Variants in KDM4C observed in about 807,000 individuals in gnomAD.
The protein encoded by KDM4C is lysine demethylase 4C.
In KDM4C, 81 loss-of-function variants were observed where a neutral mutation model predicts 129.3. That is an observed-to-expected ratio of 0.63 (90% CI 0.52 to 0.75). The LOEUF (loss-of-function observed/expected upper bound fraction) is 0.75. Ranked by LOEUF, KDM4C falls within the 30% of genes least tolerant of loss-of-function variation. KDM4C has a pLI of 0.00. For synonymous variants in KDM4C, 573 were observed against 456.1 expected (o/e 1.26, Z -3.26); for missense variants, 1,457 against 1,304.0 (o/e 1.12, Z -1.81).
chr9:7,140,106 G>C (rs1841591839), intron 19 of KDM4C, among the ~76,000 whole-genome samples: 1 of 152,136 alleles, frequency 6.6e-6, no homozygotes, highest in South Asian at 2.1e-4. Flanking sequence ...CTGCTCACCA[G>C]TTTCAGGTGT....
intron 15 of KDM4C, among the ~76,000 whole-genome samples, chr9:7,032,000 C>T (rs1173546365): frequency 6.6e-6 from 1 of 152,170 alleles, no homozygotes; most frequent in Non-Finnish European, 1.5e-5. Flanking sequence ...GTCTACTTTC[C>T]AACCTTAAGT....
At chr9:6,843,996 G>C (rs1326716691) in intron 4 of KDM4C, among the ~76,000 whole-genome samples, 2 of 151,952 alleles carry the variant, frequency 1.3e-5, no homozygotes, top group Non-Finnish European at 2.9e-5. Context: ...ACCATACCCG[G>C]CTATTTTTTA....
Position 7,011,632 on chromosome 9 carries a change from T to C in KDM4C, c.1787-66T>C, listed in dbSNP as rs77615250. On this transcript the variant is annotated intron_variant, in intron 12 of 21. Coordinates refer to ENST00000381309, the MANE Select transcript of KDM4C (RefSeq NM_015061.6). Reference sequence around the variant, plus strand: ...GATTCTGTGGAATGTTTATTTCTTTTGTACTCAGGGTGATTGTTTTCCCTG... The same window carrying C: ...GATTCTGTGGAATGTTTATTTCTTTCGTACTCAGGGTGATTGTTTTCCCTG... The C allele has an allele frequency of 2.2e-3, 3,008 of 1,387,132 alleles. 38 individuals carry two copies. The African/African-American group carries it at 0.03, about 14-fold the overall frequency. The allele number at this position is 1,387,132 out of a possible 1,614,324, so 85.9% of individuals were successfully genotyped here.
rs180891711 is a variant in KDM4C, at chr9:7,127,688, C to G, written c.2611-378C>G. ...GGCCATTATTGGATCATTTGACCAACTGGAGTATAGATGGAGATTAAAGTA... is the reference window on the plus strand; with the variant it reads ...GGCCATTATTGGATCATTTGACCAAGTGGAGTATAGATGGAGATTAAAGTA... On this transcript the variant is annotated intron_variant, in intron 18 of 21. Coordinates refer to ENST00000381309, the MANE Select transcript of KDM4C (RefSeq NM_015061.6). Among the ~76,000 whole-genome samples, 439 of 152,234 alleles carry G rather than the reference C, an allele frequency of 2.9e-3. 3 individuals are homozygous for G. Among genetic ancestry groups the G allele is most frequent in the Middle Eastern group, 0.01 (3 of 294 alleles).
At chr9:6,806,678 A>G (rs1393147623) in intron 3 of KDM4C, among the ~76,000 whole-genome samples, 2 of 152,112 alleles carry the variant, frequency 1.3e-5, no homozygotes, top group East Asian at 1.9e-4. Context: ...TTGTGGCTGG[A>G]AGATTCTCTT....
At chr9:6,755,570 A>G (rs1015177756), upstream of KDM4C, among the ~76,000 whole-genome samples, 29 of 152,306 alleles carry the variant, frequency 1.9e-4, no homozygotes, top group African/African-American at 6.7e-4. Context: ...AATAAATAAA[A>G]TAAAATAAAA....
chr9:7,030,391 T>C (rs1269965745), intron 15 of KDM4C, among the ~76,000 whole-genome samples: 6 of 152,200 alleles, frequency 3.9e-5, no homozygotes, highest in Non-Finnish European at 2.9e-5. Context: ...ATGGTAAATA[T>C]ATGTCATTAT....
At chr9:6,789,530 A>C (rs1826133080) in intron 1 of KDM4C, among the ~76,000 whole-genome samples, 1 of 150,974 alleles carries the variant, frequency 6.6e-6, no homozygotes, top group Admixed American at 6.6e-5. Flanking sequence ...ACGCCCAGCA[A>C]ATTTTTATAT....
chr9:6,964,174 TG>T (rs1830499228), intron 8 of KDM4C, among the ~76,000 whole-genome samples: 1 of 152,224 alleles, frequency 6.6e-6, no homozygotes, highest in Non-Finnish European at 1.5e-5. Flanking sequence ...TATGCCACGT[TG>T]GTGTGCTGCA....
chr9:7,165,586 G>A (rs2130427678), intron 20 of KDM4C, among the ~76,000 whole-genome samples: 1 of 152,380 alleles, frequency 6.6e-6, no homozygotes, highest in Admixed American at 6.5e-5. Context: ...TGGTTTAATT[G>A]TAAGGAATAT....
chr9:7,001,165 AGTATATCTTTATACCT>A (rs1261820168), intron 12 of KDM4C, among the ~76,000 whole-genome samples: 1 of 152,196 alleles, frequency 6.6e-6, no homozygotes, highest in Non-Finnish European at 1.5e-5. Context: ...TGGTGAGATG[AGTATATCTTTATACCT>A]GTCAAGTGAA....
intron 8 of KDM4C, among the ~76,000 whole-genome samples, chr9:6,930,712 T>G (rs1306130782): frequency 7.4e-6 from 1 of 135,326 alleles, no homozygotes; most frequent in African/African-American, 2.5e-5. Flanking sequence ...CATATGATTA[T>G]ACTATTATTA....
intron 5 of KDM4C, among the ~76,000 whole-genome samples, chr9:6,858,036 G>A (rs968267850): frequency 1.3e-5 from 2 of 148,646 alleles, no homozygotes; most frequent in Non-Finnish European, 3.0e-5. Flanking sequence ...GCTCATTGTA[G>A]CCTCAAACTC....
intron 1 of KDM4C, among the ~76,000 whole-genome samples, chr9:6,791,409 G>T (rs1209418107): frequency 6.6e-6 from 1 of 152,186 alleles, no homozygotes; most frequent in Non-Finnish European, 1.5e-5. Flanking sequence ...CCCAGCCCTT[G>T]TGTACATTTT....
Position 6,807,791 on chromosome 9 carries a change from G to T in KDM4C, c.320+2017G>T, listed in dbSNP as rs1365189429. 2.5e-4 allele frequency among the ~76,000 whole-genome samples: 19 copies of T among 77,424 alleles called. 1 individual carries two copies. The highest frequency in any genetic ancestry group is 4.5e-4 in the Admixed American group (3 of 6,642). The allele number at this position is 77,424 out of a possible 152,430, so 50.8% of individuals were successfully genotyped here. A position where few individuals can be genotyped will look rare whatever the true frequency, so the allele number is the denominator to read the frequency against. ...CAGCCACCCCGTCTGGGAGGGAGGT[G>T]GGGGGGGGGTCAGCCCCCCGCCCGG... On this transcript the variant is annotated intron_variant, in intron 3 of 21. Coordinates refer to ENST00000381309, the MANE Select transcript of KDM4C (RefSeq NM_015061.6).
Position 7,015,913 on chromosome 9 carries a change from G to C in KDM4C, c.2243G>C (p.Arg748Thr), listed in dbSNP as rs1823570418. The C allele has an allele frequency of 1.9e-6, 3 of 1,612,364 alleles. No individual in the cohort carries two copies. The African/African-American group carries it at 4.0e-5, about 21-fold the overall frequency. ...GGATGGCTGTGTGCCCGGTGCAAAA[G>C]AAATGCGTGGACAGCAGTAAGTAGC... ...CDGWLCARCK[R>T]NAWTAECCLC... is the part of the protein sequence containing the mutation. Residue 748 changes from arginine (R) to threonine (T), a missense_variant, in exon 15 of 22, where the codon AGA becomes ACA. Arg to Thr is a moderately conservative substitution (Grantham distance 71). Coordinates refer to ENST00000381309, the MANE Select transcript of KDM4C (RefSeq NM_015061.6).
At chr9:6,939,976 A>ACCTACCTTCCTTCCTTCCTTCCTT (rs1458974643) in intron 8 of KDM4C, among the ~76,000 whole-genome samples, 21 of 93,522 alleles carry the variant, frequency 2.2e-4, no homozygotes, top group Non-Finnish European at 2.7e-4. Flanking sequence ...CTACCTACCT[A>ACCTACCTTCCTTCCTTCCTTCCTT]CCTTCCTTCC....
intron 17 of KDM4C, among the ~76,000 whole-genome samples, chr9:7,052,894 A>AGAGAGAGAGAGAGAGAGCGC (rs1339242817): frequency 8.5e-5 from 9 of 105,466 alleles, no homozygotes; most frequent in Non-Finnish European, 1.6e-4. Flanking sequence ...AGAGAGAGAG[A>AGAGAGAGAGAGAGAGAGCGC]GAGAGAGCGA....
intron 17 of KDM4C, among the ~76,000 whole-genome samples, chr9:7,094,276 A>C (rs1285379686): frequency 2.0e-5 from 3 of 152,252 alleles, no homozygotes; most frequent in Non-Finnish European, 4.4e-5. Context: ...AGGCTTTAAC[A>C]GTGCCTGTTT....
Sources: gnomAD v4.1 joint callset for allele counts (sites outside exome capture counted in the v4.1 genomes callset) on GRCh38, gnomAD v4.1.1 for gene constraint, MANE v1.5 for transcripts, NCBI Gene and HGNC (gene_info 2026-07-23, HGNC 2026-07-21) for gene names.